LAMA2: variants seen among roughly 807,000 people sequenced by gnomAD.
The protein encoded by LAMA2 is laminin subunit alpha 2, also known as laminin subunit alpha-2.
LAMA2 carries 269 observed loss-of-function variants against 364.8 expected under a neutral mutation model. The ratio of observed to expected loss-of-function variants is 0.74; its 90% CI spans 0.67 to 0.82. The LOEUF (loss-of-function observed/expected upper bound fraction) is 0.82. LAMA2 is among the 40% of genes least tolerant of loss of function. LAMA2 has a pLI of 0.00. For synonymous variants in LAMA2, 1,379 were observed against 1,370.6 expected, an observed-to-expected ratio of 1.01 and a Z score of -0.14; for missense variants, 3,807 against 3,873.2, an observed-to-expected ratio of 0.98 and a Z score of 0.45.
At chr6:129,455,768 C>T (rs550992748) in intron 47 of LAMA2, among the ~76,000 whole-genome samples, 16 of 152,254 alleles carry the variant, frequency 1.1e-4, no homozygotes, top group African/African-American at 3.6e-4. Context: ...GTACTGTATA[C>T]ATTAGTATGC....
intron 51 of LAMA2, among the ~76,000 whole-genome samples, chr6:129,470,747 T>A (rs1378850252): frequency 1.3e-5 from 2 of 151,890 alleles, no homozygotes; most frequent in African/African-American, 4.8e-5. Context: ...GGGAGAGGAA[T>A]TGAAATAAGG....
chr6:129,341,601 C>A (rs1317307885), intron 29 of LAMA2, among the ~76,000 whole-genome samples: 1 of 152,048 alleles, frequency 6.6e-6, no homozygotes, highest in Admixed American at 6.6e-5. Context: ...GTAGGATGTT[C>A]TTTCATTGCC....
intron 1 of LAMA2, among the ~76,000 whole-genome samples, chr6:128,964,402 G>T (rs1237713547): frequency 1.3e-5 from 2 of 151,956 alleles, no homozygotes; most frequent in Admixed American, 1.3e-4. Context: ...GGAATATGTT[G>T]TCAAATACAA....
intron 1 of LAMA2, among the ~76,000 whole-genome samples, chr6:129,035,564 T>C (rs1786584682): frequency 6.7e-6 from 1 of 148,944 alleles, no homozygotes; most frequent in African/African-American, 2.5e-5. Context: ...TTGCAATTAG[T>C]CTTAGTCATT....
chr6:129,513,477 C>T (rs780886904), intron 63 of LAMA2, among the ~76,000 whole-genome samples: 8 of 152,148 alleles, frequency 5.3e-5, no homozygotes, highest in Non-Finnish European at 1.0e-4. Flanking sequence ...CATGCAAAAG[C>T]CTGTTATGCA....
chr6:129,234,375 A>G (rs909716670), intron 12 of LAMA2, among the ~76,000 whole-genome samples: 2 of 152,198 alleles, frequency 1.3e-5, no homozygotes, highest in Admixed American at 6.5e-5. Context: ...AGTTGTTGTT[A>G]TATAGAAGCC....
At chr6:129,432,101 C>A (rs753981845) in intron 41 of LAMA2, among the ~76,000 whole-genome samples, 2 of 152,118 alleles carry the variant, frequency 1.3e-5, no homozygotes, top group Admixed American at 6.5e-5. Context: ...AAAAGACAAG[C>A]AAAATCTGCT....
intron 12 of LAMA2, among the ~76,000 whole-genome samples, chr6:129,227,950 C>T (rs1174347508): frequency 6.6e-6 from 1 of 152,178 alleles, no homozygotes; most frequent in Non-Finnish European, 1.5e-5. Flanking sequence ...GGCAGGCAGG[C>T]ATCCTTGAGC....
chr6:129,451,202 C>T (rs1289090956), intron 45 of LAMA2, among the ~76,000 whole-genome samples: 1 of 152,180 alleles, frequency 6.6e-6, no homozygotes, highest in African/African-American at 2.4e-5. Context: ...TTCCTACCTC[C>T]ATTGTTTTGC....
chr6:128,893,181 C>T (rs1324769738), intron 1 of LAMA2, among the ~76,000 whole-genome samples: 1 of 151,690 alleles, frequency 6.6e-6, no homozygotes, highest in Non-Finnish European at 1.5e-5. Flanking sequence ...TTCAATTTTC[C>T]ATCTAAAAAA....
chr6:129,036,671 C>T (rs1786661534), intron 1 of LAMA2, among the ~76,000 whole-genome samples: 1 of 151,868 alleles, frequency 6.6e-6, no homozygotes. Context: ...CCCACAGCAG[C>T]TCAGAAGCCT....
intron 1 of LAMA2, among the ~76,000 whole-genome samples, chr6:129,032,128 AT>A (rs1451525233): frequency 6.6e-6 from 1 of 152,180 alleles, no homozygotes; most frequent in Non-Finnish European, 1.5e-5. Flanking sequence ...TCTGATATGA[AT>A]TTCTTATTGG....
At chr6:129,335,239 C>T (rs546305055) in intron 29 of LAMA2, among the ~76,000 whole-genome samples, 1 of 152,156 alleles carries the variant, frequency 6.6e-6, no homozygotes, top group South Asian at 2.1e-4. Flanking sequence ...AGTGACATTG[C>T]TCCTTAAGAA....
intron 35 of LAMA2, among the ~76,000 whole-genome samples, chr6:129,385,254 AG>A (rs1274920750): frequency 1.2e-5 from 1 of 81,212 alleles, no homozygotes; most frequent in Non-Finnish European, 2.6e-5. Context: ...GGAAGGAAAG[AG>A]GAAGGGGGGG....
At chr6:129,254,210 C>T (rs1387195370) in intron 14 of LAMA2, among the ~76,000 whole-genome samples, 1 of 152,202 alleles carries the variant, frequency 6.6e-6, no homozygotes, top group African/African-American at 2.4e-5. Context: ...GGATTTACTT[C>T]CATGGCAGTT....
chr6:129,480,657 A>C (rs1014783111), intron 54 of LAMA2, among the ~76,000 whole-genome samples: 1 of 151,446 alleles, frequency 6.6e-6, no homozygotes, highest in African/African-American at 2.4e-5. Context: ...CCTTATTTAC[A>C]TTTCTACTTG....
At chr6:129,473,190 T>G in intron 51 of LAMA2, 24 bp from the exon 52 acceptor site, 3 of 1,555,336 alleles carry the variant, frequency 1.9e-6, no homozygotes, top group Non-Finnish European at 2.7e-6. Flanking sequence ...AAATAAAATG[T>G]TAAACTTTCT....
chr6:128,950,732 A>G (rs1047894310), intron 1 of LAMA2, among the ~76,000 whole-genome samples: 5 of 152,106 alleles, frequency 3.3e-5, no homozygotes, highest in Non-Finnish European at 5.9e-5. Flanking sequence ...GATTATATAT[A>G]CATGTATATA....
In LAMA2 at chr6:129,297,672, C is replaced by T. The variant is rs201188972; in HGVS notation, c.2857-13C>T. The T allele has an allele frequency of 7.1e-4, 1,142 of 1,612,946 alleles. No homozygotes were observed. Among genetic ancestry groups the T allele is most frequent in the Non-Finnish European group, 9.2e-4 (1,081 of 1,179,640 alleles). ...GATTTAAATTTAATTTTTCTCTCCT[C>T]TTCCATTGCCAGGCTGGGACCTTTG... On this transcript the variant is annotated splice_polypyrimidine_tract_variant and intron_variant, in intron 20 of 64. Coordinates refer to ENST00000421865, the MANE Select transcript of LAMA2 (RefSeq NM_000426.4).
Sources: allele counts gnomAD v4.1 joint callset (sites outside exome capture counted in the v4.1 genomes callset), GRCh38; gene constraint gnomAD v4.1.1; transcripts MANE v1.5; gene names NCBI Gene and HGNC (gene_info 2026-07-23, HGNC 2026-07-21).